KNTC1: variants seen among roughly 807,000 people sequenced by gnomAD.
KNTC1 encodes the protein kinetochore associated 1, also known as kinetochore-associated protein 1.
KNTC1 carries 253 observed loss-of-function variants against 314.4 expected under a neutral mutation model. That is an observed-to-expected ratio of 0.80 (90% CI 0.73 to 0.89). The LOEUF (loss-of-function observed/expected upper bound fraction) is 0.89. KNTC1 is among the 40% of genes least tolerant of loss of function. The pLI is 0.00. For synonymous variants in KNTC1, 901 were observed against 901.4 expected (o/e 1.00, Z 0.01); for missense variants, 2,475 against 2,572.9 (o/e 0.96, Z 0.82).
At chr12:122,540,394 ACTC>A (rs1307750648) in intron 5 of KNTC1, among the ~76,000 whole-genome samples, 2 of 150,058 alleles carry the variant, frequency 1.3e-5, no homozygotes, top group African/African-American at 4.9e-5. Context: ...CTGGTCTTGA[ACTC>A]CTGACCTCAG....
chr12:122,602,938 G>A, intron 47 of KNTC1, 51 bp downstream of exon 47: 1 of 1,548,316 alleles, frequency 6.5e-7, no homozygotes, highest in African/African-American at 1.4e-5. Flanking sequence ...AATTAATTCT[G>A]ACCCCGTATA....
At chr12:122,553,739 G>A (rs1449033245) in intron 16 of KNTC1, among the ~76,000 whole-genome samples, 1 of 152,068 alleles carries the variant, frequency 6.6e-6, no homozygotes, top group Non-Finnish European at 1.5e-5. Flanking sequence ...AGGAAGGGCT[G>A]TACACATATT....
Position 122,605,338 on chromosome 12 carries a change from G to C in KNTC1, c.5419G>C (p.Val1807Leu). The C allele has an allele frequency of 1.2e-6, 2 of 1,604,346 alleles. No homozygotes were observed. Among genetic ancestry groups the C allele is most frequent in the Non-Finnish European group, 1.7e-6 (2 of 1,175,080 alleles). The stretch of plus-strand genomic sequence containing the variant: ...TGCAGCAGCTAAAGAAATAGCCGAA[G>C]TCAATGAAATTAATTTGGAAAAAGT... ...IHAAAKEIAE[V>L]NEINLEKVWD... Residue 1807 changes from valine to leucine, a missense_variant, in exon 51 of 64, where the codon GTC becomes CTC. Physicochemically the swap from Val to Leu is conservative, Grantham distance 32 (BLOSUM62 1). Coordinates refer to ENST00000333479, the MANE Select transcript of KNTC1 (RefSeq NM_014708.6).
chr12:122,557,768 A>G (rs1002007651), intron 18 of KNTC1, 79 bp downstream of exon 18: 5 of 990,064 alleles, frequency 5.1e-6, no homozygotes, highest in Admixed American at 2.3e-5. Context: ...TGCCTCAAAT[A>G]TATCTTTTCC....
intron 43 of KNTC1, among the ~76,000 whole-genome samples, chr12:122,594,693 G>T (rs1360639610): frequency 2.0e-5 from 3 of 152,202 alleles, no homozygotes; most frequent in Non-Finnish European, 2.9e-5. Flanking sequence ...CCTAGAAATC[G>T]CTGGTCTCTA....
In KNTC1 at chr12:122,594,395, TA is replaced by T. The variant is rs763486258; in HGVS notation, c.4355+13del. Reference sequence around the variant, plus strand: ...TTTTGGAATATTGCAGGTAATTCTTTAAACATTAACGGTATTTTTGCTGTTA... The same window carrying T: ...TTTTGGAATATTGCAGGTAATTCTTTAACATTAACGGTATTTTTGCTGTTA... On this transcript the variant is annotated intron_variant, in intron 43 of 63. Transcript: ENST00000333479. The T allele has an allele frequency of 7.1e-7, 1 of 1,408,238 alleles. No homozygotes were observed. Among genetic ancestry groups the T allele is most frequent in the Admixed American group, 1.8e-5 (1 of 56,872 alleles). 87.2% of individuals were successfully genotyped at this position (1,408,238 alleles called of 1,614,324 possible).
intron 44 of KNTC1, among the ~76,000 whole-genome samples, chr12:122,601,303 T>A (rs1361624345): frequency 6.6e-6 from 1 of 151,968 alleles, no homozygotes; most frequent in Admixed American, 6.6e-5. Context: ...GCCAGGATGG[T>A]CTCGATCTCC....
intron 55 of KNTC1, among the ~76,000 whole-genome samples, chr12:122,614,725 A>T (rs1412607563): frequency 1.3e-5 from 2 of 152,024 alleles, no homozygotes; most frequent in Non-Finnish European, 2.9e-5. Context: ...TACTAAAAAT[A>T]CAAAAATTAT....
At chr12:122,561,839 T>A in intron 18 of KNTC1, 82 bp from the exon 19 acceptor site, 1 of 1,170,388 alleles carries the variant, frequency 8.5e-7, no homozygotes, top group Non-Finnish European at 1.2e-6. Context: ...AAAAAATTTT[T>A]TGTTATTTCA....
At chr12:122,610,679 A>C in intron 52 of KNTC1, 143 bp from the exon 53 acceptor site, 2 of 586,452 alleles carry the variant, frequency 3.4e-6, no homozygotes, top group Non-Finnish European at 6.0e-6. Flanking sequence ...TAAAGGGGGA[A>C]GCGCAAATGT....
Position 122,549,836 on chromosome 12 carries a change from C to A in KNTC1, c.1058C>A (p.Ser353Tyr), listed in dbSNP as rs200406704. The change falls in exon 13 of 64, where the codon TCT becomes TAT. Residue 353 changes from serine to tyrosine, a missense_variant. Ser to Tyr is a moderately radical substitution (Grantham distance 144). Coordinates refer to ENST00000333479, the MANE Select transcript of KNTC1 (RefSeq NM_014708.6). ...ILYSLEVSSV[S>Y]SLVQTGISTD... ...TATTCTTTGGAAGTATCTAGTGTTTCTTCTCTGGTCCAAACAGGAATTAGC... is the reference window on the plus strand; with the variant it reads ...TATTCTTTGGAAGTATCTAGTGTTTATTCTCTGGTCCAAACAGGAATTAGC... The A allele has an allele frequency of 2.6e-4, 414 of 1,566,012 alleles. No individual in the cohort carries two copies. Among genetic ancestry groups the A allele is most frequent in the Non-Finnish European group, 3.5e-4 (397 of 1,145,740 alleles).
rs373799213 is a variant in KNTC1 at position 122,576,692 on chromosome 12, C to G, written c.2587-203C>G. Among the ~76,000 whole-genome samples the G allele has an allele frequency of 6.1e-4, 93 of 151,960 alleles. 1 individual carries two copies. In the South Asian group the frequency reaches 0.013, roughly 21 times the overall value. ...GAGACTCTGTCTCAAAAAAAAGACACCAAATAGTAAATTAAGAAGCTGTAG... is the reference window on the plus strand; with the variant it reads ...GAGACTCTGTCTCAAAAAAAAGACAGCAAATAGTAAATTAAGAAGCTGTAG... On this transcript the variant is annotated intron_variant, in intron 29 of 63. Coordinates refer to ENST00000333479, the MANE Select transcript of KNTC1 (RefSeq NM_014708.6).
At chr12:122,562,792 C>T in intron 20 of KNTC1, 93 bp downstream of exon 20, 1 of 719,866 alleles carries the variant, frequency 1.4e-6, no homozygotes, top group Non-Finnish European at 2.5e-6. Flanking sequence ...GGCAGATCAC[C>T]CGAGATCAGG....
chr12:122,585,363 GTT>G (rs1465134062), intron 36 of KNTC1, among the ~76,000 whole-genome samples: 1 of 152,080 alleles, frequency 6.6e-6, no homozygotes, highest in African/African-American at 2.4e-5. Context: ...CATTTGCAAA[GTT>G]TATGAAAATA....
chr12:122,612,420 C>CTTTTTTTTTTTTTTTTTT (rs754162815), intron 53 of KNTC1, among the ~76,000 whole-genome samples: 1 of 88,694 alleles, frequency 1.1e-5, no homozygotes, highest in African/African-American at 3.1e-5. Context: ...TTTTCTTTTT[C>CTTTTTTTTTTTTTTTTTT]TTTTTTTTTT....
Position 122,534,724 on chromosome 12 carries a change from G to A in KNTC1, c.190G>A (p.Asp64Asn), listed in dbSNP as rs1018492342. Residue 64 changes from aspartate (D) to asparagine (N), a missense_variant, in exon 3 of 64, where the codon GAC becomes AAC. Physicochemically the swap from Asp to Asn is conservative, Grantham distance 23. Transcript: ENST00000333479. ...AAGTGATGGGTTTATTATTGTAGCC[G>A]ACCAATCAGTGATATTGCTTGACAG... ...SLSDGFIIVA[D>N]QSVILLDSIC... is the part of the protein sequence containing the mutation. The A allele has an allele frequency of 8.1e-6, 13 of 1,610,472 alleles. No homozygotes were observed. The highest frequency in any genetic ancestry group is 4.0e-5 in the African/African-American group (3 of 74,854).
At chr12:122,612,854 G>A (rs1288465918) in intron 53 of KNTC1, 2 of 420,080 alleles carry the variant, frequency 4.8e-6, no homozygotes, top group East Asian at 8.3e-5. Flanking sequence ...TATCAACACA[G>A]TGTAAAGGCA....
At chr12:122,615,660 T>A (rs1873688300) in intron 57 of KNTC1, 134 bp downstream of exon 57, 1 of 818,294 alleles carries the variant, frequency 1.2e-6, no homozygotes, top group Non-Finnish European at 1.8e-6. Flanking sequence ...AGTGGCTCAC[T>A]CCTGTAACCC....
intron 53 of KNTC1, among the ~76,000 whole-genome samples, chr12:122,612,259 T>C (rs1329089055): frequency 1.3e-5 from 2 of 149,600 alleles, no homozygotes; most frequent in Non-Finnish European, 3.0e-5. Context: ...AGAGACGGGG[T>C]TTCACCATGT....
Sources: allele counts gnomAD v4.1 joint callset (sites outside exome capture counted in the v4.1 genomes callset), GRCh38; gene constraint gnomAD v4.1.1; transcripts MANE v1.5; gene names NCBI Gene and HGNC (gene_info 2026-07-23, HGNC 2026-07-21).